KATNAL1: variants seen among roughly 807,000 people sequenced by gnomAD.
KATNAL1 encodes katanin catalytic subunit A1 like 1, also known as katanin p60 ATPase-containing subunit A-like 1.
KATNAL1 carries 32 observed loss-of-function variants against 55.2 expected under a neutral mutation model. The observed-to-expected ratio is 0.58, with a 90% confidence interval of 0.44 to 0.78. The LOEUF is 0.78. Among genes scored for constraint, KATNAL1 ranks in the 30% least tolerant of loss-of-function variants. The probability of loss-of-function intolerance (pLI) is 0.00; values close to 1 mark genes in which losing one functional copy is unlikely to be tolerated. For synonymous variants in KATNAL1, 193 were observed against 193.6 expected (o/e 1.00, Z 0.02); for missense variants, 466 against 600.9 (o/e 0.78, Z 2.35).
chr13:30,216,716 G>A (rs1306194000), intron 9 of KATNAL1, among the ~76,000 whole-genome samples: 1 of 152,216 alleles, frequency 6.6e-6, no homozygotes, highest in Non-Finnish European at 1.5e-5. Flanking sequence ...AGGGGAGGAA[G>A]CTCCTGTGCC....
intron 2 of KATNAL1, 103 bp from the exon 3 acceptor site, chr13:30,280,326 G>C: frequency 1.3e-6 from 1 of 744,130 alleles, no homozygotes; most frequent in South Asian, 3.5e-5. Flanking sequence ...ATGTCAAAGG[G>C]TGAAAAATGA....
chr13:30,292,154 A>C (rs185619254), intron 1 of KATNAL1, among the ~76,000 whole-genome samples: 2 of 152,306 alleles, frequency 1.3e-5, no homozygotes, highest in East Asian at 3.9e-4. Flanking sequence ...AAGCCAACTA[A>C]TTTTCAACCA....
chr13:30,277,298 C>A (rs1181506082), intron 3 of KATNAL1, among the ~76,000 whole-genome samples: 1 of 152,150 alleles, frequency 6.6e-6, no homozygotes, highest in Non-Finnish European at 1.5e-5. Flanking sequence ...TTATTACATG[C>A]CAGTTGCTGT....
chr13:30,216,509 G>A (rs1874247695), intron 9 of KATNAL1, among the ~76,000 whole-genome samples: 1 of 152,212 alleles, frequency 6.6e-6, no homozygotes. Context: ...GCAAGCAGGT[G>A]TGATTTGGGA....
At chr13:30,228,707 A>G (rs950287226) in intron 8 of KATNAL1, among the ~76,000 whole-genome samples, 1 of 152,208 alleles carries the variant, frequency 6.6e-6, no homozygotes, top group Non-Finnish European at 1.5e-5. Context: ...TTGATGAATA[A>G]CCGTGACTGT....
chr13:30,263,222 AAAT>A (rs1227374044), intron 3 of KATNAL1, among the ~76,000 whole-genome samples: 1 of 152,208 alleles, frequency 6.6e-6, no homozygotes, highest in African/African-American at 2.4e-5. Flanking sequence ...ACGTATCTCA[AAAT>A]AATAAGAGCT....
At chr13:30,212,214 G>T (rs1873755909) in intron 9 of KATNAL1, among the ~76,000 whole-genome samples, 1 of 152,100 alleles carries the variant, frequency 6.6e-6, no homozygotes, top group African/African-American at 2.4e-5. Context: ...TTAAAATGAG[G>T]AACTTCTATT....
At chr13:30,289,428 T>G (rs957849570) in intron 1 of KATNAL1, among the ~76,000 whole-genome samples, 7 of 152,254 alleles carry the variant, frequency 4.6e-5, no homozygotes, top group Admixed American at 4.6e-4. Context: ...GGTTAACAAA[T>G]GAGCCACTTG....
chr13:30,269,157 ATC>A (rs1209728456), intron 3 of KATNAL1, among the ~76,000 whole-genome samples: 2 of 151,632 alleles, frequency 1.3e-5, no homozygotes, highest in East Asian at 3.9e-4. Context: ...TACTGCTGCC[ATC>A]TCGGCCCACT....
At chr13:30,298,762 CCAGAAGACAGAG>C (rs1186748505) in intron 1 of KATNAL1, among the ~76,000 whole-genome samples, 3 of 151,968 alleles carry the variant, frequency 2.0e-5, no homozygotes, top group Non-Finnish European at 2.9e-5. Context: ...AATCAATAAA[CCAGAAGACAGAG>C]CTGCAGAAAC....
intron 1 of KATNAL1, among the ~76,000 whole-genome samples, chr13:30,286,459 C>T (rs1277077567): frequency 6.6e-6 from 1 of 152,238 alleles, no homozygotes. Context: ...GCAGCTTCCA[C>T]ATGGTGCTGG....
intron 1 of KATNAL1, among the ~76,000 whole-genome samples, chr13:30,287,205 G>A (rs1881846564): frequency 1.3e-5 from 2 of 152,190 alleles, no homozygotes; most frequent in African/African-American, 4.8e-5. Flanking sequence ...GCCACAGGCA[G>A]GATGATATGG....
chr13:30,272,472 T>C (rs377707802), intron 3 of KATNAL1, among the ~76,000 whole-genome samples: 2 of 152,282 alleles, frequency 1.3e-5, no homozygotes, highest in South Asian at 4.2e-4. Flanking sequence ...AACAGCAGTT[T>C]GCAAGGAAGA....
chr13:30,275,785 A>AAT lies in KATNAL1; in HGVS notation c.323+4276_323+4277dup, dbSNP rs1207430707. On this transcript the variant is annotated intron_variant, in intron 3 of 10. Transcript: ENST00000380615. ...GCTTATTGTGATAAATATTTCAAAAAATATATATATATATCAAATAATCAA... is the reference window on the plus strand; with the variant it reads ...GCTTATTGTGATAAATATTTCAAAAAATATATATATATATATCAAATAATCAA... Among the ~76,000 whole-genome samples the AAT allele has an allele frequency of 2.1e-3, 313 of 151,962 alleles. 2 individuals are homozygous for AAT. Among genetic ancestry groups the AAT allele is most frequent in the African/African-American group, 7.2e-3 (297 of 41,486 alleles).
chr13:30,294,495 T>C (rs1000226157), intron 1 of KATNAL1, among the ~76,000 whole-genome samples: 1 of 152,194 alleles, frequency 6.6e-6, no homozygotes, highest in East Asian at 1.9e-4. Context: ...GAGGTGAGGA[T>C]GCTGCAGAAG....
chr13:30,274,905 G>GCA (rs1212571978), intron 3 of KATNAL1, among the ~76,000 whole-genome samples: 1,674 of 84,214 alleles, frequency 0.02, 22 homozygotes, highest in South Asian at 0.033. Context: ...GCGCGCGCGC[G>GCA]CGCACACACA....
intron 9 of KATNAL1, among the ~76,000 whole-genome samples, chr13:30,220,146 C>A (rs192122021): frequency 1.3e-5 from 2 of 152,208 alleles, no homozygotes; most frequent in Admixed American, 1.3e-4. Context: ...TATTAGATAT[C>A]ATACACATAT....
At chr13:30,288,518 T>C (rs1289607559) in intron 1 of KATNAL1, among the ~76,000 whole-genome samples, 1 of 152,240 alleles carries the variant, frequency 6.6e-6, no homozygotes. Context: ...AATTACTTGA[T>C]ATTACTTGTG....
intron 9 of KATNAL1, among the ~76,000 whole-genome samples, chr13:30,218,832 C>A (rs550249311): frequency 1.6e-4 from 25 of 152,266 alleles, no homozygotes; most frequent in Admixed American, 1.6e-3. Context: ...GAGTCACCCC[C>A]AACCACGACC....
Sources: allele counts gnomAD v4.1 joint callset (sites outside exome capture counted in the v4.1 genomes callset), GRCh38; gene constraint gnomAD v4.1.1; transcripts MANE v1.5; gene names NCBI Gene and HGNC (gene_info 2026-07-23, HGNC 2026-07-21).